Variants in KATNIP observed in about 807,000 individuals in gnomAD.
KATNIP encodes the protein katanin-interacting protein.
Under a neutral mutation model 174.0 loss-of-function variants are expected in KATNIP, and 126 were observed. The observed-to-expected ratio is 0.72, with a 90% CI of 0.63 to 0.84. The LOEUF (loss-of-function observed/expected upper bound fraction) is 0.84, where lower values mean the gene tolerates loss of function less well. Ranked by LOEUF, KATNIP falls within the 40% of genes least tolerant of loss-of-function variation. The pLI, the probability that KATNIP is intolerant of heterozygous loss-of-function variation, is 0.00. For missense variants in KATNIP, 1,958 were observed against 2,109.7 expected (o/e 0.93, Z 1.41); for synonymous variants, 810 against 835.7 (o/e 0.97, Z 0.53).
intron 13 of KATNIP, among the ~76,000 whole-genome samples, chr16:27,716,296 G>A (rs1174760249): frequency 1.3e-5 from 2 of 152,192 alleles, no homozygotes; most frequent in Non-Finnish European, 2.9e-5. Flanking sequence ...GCCAGGGGCT[G>A]GGAGGAAGCA....
chr16:27,703,893 C>T lies in KATNIP; in HGVS notation c.1287-3C>T, dbSNP rs1371165009. On this transcript the variant is annotated splice_region_variant and splice_polypyrimidine_tract_variant and intron_variant, in intron 11 of 27. Transcript: ENST00000261588. ...TGTTTGCTAAAACCAAATCCCATTTCAGACAACAGCAGAAGCTTCTGAAAG... is the reference window on the plus strand; with the variant it reads ...TGTTTGCTAAAACCAAATCCCATTTTAGACAACAGCAGAAGCTTCTGAAAG... 8 of 1,612,928 alleles carry T rather than the reference C, an allele frequency of 5.0e-6. No homozygotes were observed. Among genetic ancestry groups the T allele is most frequent in the Non-Finnish European group, 6.8e-6 (8 of 1,178,918 alleles).
At chr16:27,562,264 C>G (rs190428006) in intron 1 of KATNIP, among the ~76,000 whole-genome samples, 1 of 152,186 alleles carries the variant, frequency 6.6e-6, no homozygotes, top group Non-Finnish European at 1.5e-5. Flanking sequence ...GAGCCATGAC[C>G]ACACCACTTT....
intron 22 of KATNIP, among the ~76,000 whole-genome samples, chr16:27,772,837 G>A (rs1053226667): frequency 5.3e-5 from 8 of 151,782 alleles, no homozygotes; most frequent in African/African-American, 1.7e-4. Context: ...ACACACACAC[G>A]GGCACACGCA....
rs115904672 is a variant in KATNIP at position 27,561,346 on chromosome 16, C to T, written c.7+11169C>T. ...CCTGGTCCTTTTTCTCTAGTGGACA[C>T]ATATGGTTTCCCCAGACAACCCAGT... On this transcript the variant is annotated intron_variant, in intron 1 of 27. Transcript: ENST00000261588. Among the ~76,000 whole-genome samples, 1,008 of 152,214 alleles carry T rather than the reference C, an allele frequency of 6.6e-3. 7 individuals are homozygous for T. Among genetic ancestry groups the T allele is most frequent in the African/African-American group, 0.023 (953 of 41,552 alleles).
At chr16:27,657,316 C>G (rs976008969) in intron 6 of KATNIP, among the ~76,000 whole-genome samples, 3 of 152,016 alleles carry the variant, frequency 2.0e-5, no homozygotes, top group African/African-American at 2.4e-5. Flanking sequence ...TTTGGGTGTT[C>G]ATTATACTAG....
At chr16:27,581,908 C>T (rs1434877697) in intron 2 of KATNIP, among the ~76,000 whole-genome samples, 7 of 152,162 alleles carry the variant, frequency 4.6e-5, no homozygotes, top group African/African-American at 9.7e-5. Flanking sequence ...CATGTTGCTG[C>T]GAATGCCATT....
intron 1 of KATNIP, among the ~76,000 whole-genome samples, chr16:27,550,705 G>A (rs1313683186): frequency 6.6e-6 from 1 of 152,198 alleles, no homozygotes; most frequent in Non-Finnish European, 1.5e-5. Context: ...ACCTCGCTAA[G>A]CTTCATACCA....
At chr16:27,616,855 G>A (rs1777271884) in intron 2 of KATNIP, among the ~76,000 whole-genome samples, 1 of 114,070 alleles carries the variant, frequency 8.8e-6, no homozygotes, top group African/African-American at 3.4e-5. Context: ...TTAGAGACCA[G>A]CCTGTGCAAC....
intron 20 of KATNIP, 68 bp downstream of exon 20, chr16:27,766,542 C>A (rs1476754918): frequency 2.0e-6 from 3 of 1,499,618 alleles, no homozygotes; most frequent in Non-Finnish European, 2.7e-6. Context: ...GAATGGCTGG[C>A]GTGGCAGCCA....
chr16:27,720,075 A>G (rs2080150485), intron 13 of KATNIP, among the ~76,000 whole-genome samples: 1 of 152,306 alleles, frequency 6.6e-6, no homozygotes, highest in Admixed American at 6.5e-5. Flanking sequence ...TGTGTAAGCC[A>G]GACCCAGCTT....
intron 8 of KATNIP, among the ~76,000 whole-genome samples, chr16:27,690,363 T>TAGATAGATAGATAGATAGATGATA (rs397837255): frequency 0.013 from 1,183 of 90,788 alleles, 15 homozygotes; most frequent in Admixed American, 0.016. Flanking sequence ...GATAGATAGA[T>TAGATAGATAGATAGATAGATGATA]GATAGATAGA....
rs529459310 is a variant in KATNIP, at chr16:27,672,874, G to A, written c.541-4855G>A. Among the ~76,000 whole-genome samples the A allele has an allele frequency of 2.9e-4, 44 of 152,294 alleles. No homozygotes were observed. In the South Asian group the frequency reaches 8.3e-3, roughly 29 times the overall value. On this transcript the variant is annotated intron_variant, in intron 6 of 27. Coordinates refer to ENST00000261588, the MANE Select transcript of KATNIP (RefSeq NM_015202.5). ...TGACCATGGGTTCAAGGGTCCTAAT[G>A]CCTCATCCAAATCCTTCCTGAAACT...
chr16:27,603,737 C>CT (rs35121026), intron 2 of KATNIP, among the ~76,000 whole-genome samples: 236 of 131,016 alleles, frequency 1.8e-3, no homozygotes, highest in African/African-American at 5.4e-3. Context: ...TTCCCACTTC[C>CT]TTTTTTTTTT....
At chr16:27,641,255 C>G (rs937556021) in intron 5 of KATNIP, among the ~76,000 whole-genome samples, 1 of 152,064 alleles carries the variant, frequency 6.6e-6, no homozygotes, top group African/African-American at 2.4e-5. Context: ...TCTTGGTTAT[C>G]TTAAGTTCAG....
At chr16:27,551,258 T>G (rs1382528337) in intron 1 of KATNIP, among the ~76,000 whole-genome samples, 1 of 152,246 alleles carries the variant, frequency 6.6e-6, no homozygotes, top group Non-Finnish European at 1.5e-5. Flanking sequence ...CCCTCACTTC[T>G]CGGGAATTTG....
chr16:27,766,540 G>GCCAC, intron 20 of KATNIP, 66 bp downstream of exon 20: 5 of 1,513,022 alleles, frequency 3.3e-6, no homozygotes, highest in Non-Finnish European at 4.5e-6. Flanking sequence ...ATGAATGGCT[G>GCCAC]GCGTGGCAGC....
intron 9 of KATNIP, 57 bp from the exon 10 acceptor site, chr16:27,699,477 C>G: frequency 6.2e-7 from 1 of 1,607,072 alleles, no homozygotes; most frequent in Non-Finnish European, 8.5e-7. Flanking sequence ...TTTCTGTGAA[C>G]AGCATGGAGT....
At chr16:27,678,023 T>C (rs1473677597) in intron 7 of KATNIP, 27 bp downstream of exon 7, 1 of 1,605,402 alleles carries the variant, frequency 6.2e-7, no homozygotes, top group South Asian at 1.1e-5. Flanking sequence ...ATATCATTTC[T>C]TTGCCATTGG....
At chr16:27,741,026 G>T in intron 15 of KATNIP, 106 bp downstream of exon 15, 2 of 1,181,312 alleles carry the variant, frequency 1.7e-6, no homozygotes, top group Non-Finnish European at 2.4e-6. Flanking sequence ...TGCACAACAA[G>T]ATGGTTGTTC....
Sources: allele counts gnomAD v4.1 joint callset (sites outside exome capture counted in the v4.1 genomes callset), GRCh38; gene constraint gnomAD v4.1.1; transcripts MANE v1.5; gene names NCBI Gene and HGNC (gene_info 2026-07-23, HGNC 2026-07-21).